The following DNAJC16 variants were observed in gnomAD, a reference collection of about 807,000 sequenced individuals.
The protein encoded by DNAJC16 is DnaJ heat shock protein family (Hsp40) member C16.
DNAJC16 carries 76 observed loss-of-function variants against 92.7 expected under a neutral mutation model. The observed-to-expected ratio is 0.82, with a 90% confidence interval of 0.68 to 0.99. DNAJC16 has a LOEUF of 0.99. DNAJC16 is among the 50% of genes least tolerant of loss of function. The pLI, the probability that DNAJC16 is intolerant of heterozygous loss-of-function variation, is 0.00. For synonymous variants in DNAJC16, 328 were observed against 358.7 expected (o/e 0.91, Z 0.97); for missense variants, 869 against 942.4 (o/e 0.92, Z 1.02).
chr1:15,530,745 T>A (rs1382483361), intron 2 of DNAJC16, among the ~76,000 whole-genome samples: 2 of 152,216 alleles, frequency 1.3e-5, no homozygotes, highest in Non-Finnish European at 2.9e-5. Context: ...TGGAATGCAG[T>A]GGCACAATCT....
chr1:15,553,087 A>G (rs1638486414), intron 7 of DNAJC16, among the ~76,000 whole-genome samples: 1 of 150,290 alleles, frequency 6.7e-6, no homozygotes, highest in African/African-American at 2.5e-5. Context: ...TAAGTCTTTT[A>G]CCCATTTTTT....
intron 14 of DNAJC16, 54 bp downstream of exon 14, chr1:15,567,323 G>A: frequency 1.3e-6 from 2 of 1,545,514 alleles, no homozygotes; most frequent in Non-Finnish European, 1.8e-6. Context: ...AGAGAGGCAG[G>A]CACACTGAAA....
At chr1:15,543,662 G>C (rs1710987889) in intron 4 of DNAJC16, among the ~76,000 whole-genome samples, 1 of 152,178 alleles carries the variant, frequency 6.6e-6, no homozygotes, top group South Asian at 2.1e-4. Flanking sequence ...GAAATAGGGG[G>C]AGAGCATTTA....
chr1:15,550,335 C>T (rs1226765838), intron 7 of DNAJC16, among the ~76,000 whole-genome samples: 1 of 152,154 alleles, frequency 6.6e-6, no homozygotes, highest in Non-Finnish European at 1.5e-5. Flanking sequence ...AATACATTTA[C>T]AAAATTATTG....
chr1:15,547,576 G>C (rs1006653021), intron 6 of DNAJC16, among the ~76,000 whole-genome samples: 3 of 151,678 alleles, frequency 2.0e-5, no homozygotes, highest in Non-Finnish European at 2.9e-5. Flanking sequence ...CAGAGTAGCT[G>C]GGACTGCAGG....
At chr1:15,563,517 G>A (rs1041995598) in intron 9 of DNAJC16, among the ~76,000 whole-genome samples, 17 of 139,634 alleles carry the variant, frequency 1.2e-4, no homozygotes, top group African/African-American at 4.6e-4. Context: ...AGACAAGGGC[G>A]AAACTCTGTC....
chr1:15,549,356 T>G (rs6672246), intron 7 of DNAJC16, among the ~76,000 whole-genome samples: 1,749 of 152,280 alleles, frequency 0.011, 41 homozygotes, highest in African/African-American at 0.039. Context: ...GAAACTGGTG[T>G]ATCATCAGTA....
At chr1:15,540,066 C>T (rs1175729272) in intron 4 of DNAJC16, among the ~76,000 whole-genome samples, 2 of 152,118 alleles carry the variant, frequency 1.3e-5, no homozygotes, top group Non-Finnish European at 2.9e-5. Flanking sequence ...TGGCTCATGC[C>T]TGTAATCCCA....
At chr1:15,561,514 G>A (rs543141859) in intron 8 of DNAJC16, among the ~76,000 whole-genome samples, 5 of 151,372 alleles carry the variant, frequency 3.3e-5, no homozygotes, top group East Asian at 3.9e-4. Flanking sequence ...GTGAAAACCC[G>A]TCTCTACTAA....
chr1:15,558,064 T>A (rs1208129090), intron 7 of DNAJC16, among the ~76,000 whole-genome samples: 2 of 151,750 alleles, frequency 1.3e-5, no homozygotes, highest in African/African-American at 4.8e-5. Flanking sequence ...AGAGACAGGG[T>A]TTCACTATGT....
At chr1:15,554,113 G>C (rs1390202580) in intron 7 of DNAJC16, among the ~76,000 whole-genome samples, 1 of 152,040 alleles carries the variant, frequency 6.6e-6, no homozygotes, top group Admixed American at 6.6e-5. Flanking sequence ...TGAGGCAGGA[G>C]AATTGCTTCA....
At chr1:15,549,223 A>G (rs1250427882) in intron 7 of DNAJC16, among the ~76,000 whole-genome samples, 1 of 152,230 alleles carries the variant, frequency 6.6e-6, no homozygotes, top group African/African-American at 2.4e-5. Context: ...GTTTAGAAAG[A>G]TAAGAACTTT....
At chr1:15,537,047 C>T (rs1324289733) in intron 4 of DNAJC16, among the ~76,000 whole-genome samples, 3 of 152,134 alleles carry the variant, frequency 2.0e-5, no homozygotes, top group African/African-American at 7.2e-5. Flanking sequence ...GACAGGGTTT[C>T]ACCACGTTGG....
At chr1:15,529,600 C>T (rs965474354) in intron 2 of DNAJC16, among the ~76,000 whole-genome samples, 8 of 151,998 alleles carry the variant, frequency 5.3e-5, no homozygotes, top group African/African-American at 1.5e-4. Context: ...GCTACCCTTC[C>T]CATGATACAT....
intron 9 of DNAJC16, 44 bp from the exon 10 acceptor site, chr1:15,563,885 A>G (rs1271510782): frequency 5.2e-6 from 8 of 1,537,638 alleles, no homozygotes; most frequent in South Asian, 1.2e-5. Flanking sequence ...TAACTTAACC[A>G]TGCTTTTGAA....
chr1:15,527,244 C>T (rs1425076148), intron 1 of DNAJC16, among the ~76,000 whole-genome samples: 1 of 152,140 alleles, frequency 6.6e-6, no homozygotes, highest in Non-Finnish European at 1.5e-5. Flanking sequence ...TGGCAGCCTA[C>T]CTGTTGGGCA....
rs1638948486 is a variant in DNAJC16, at chr1:15,571,589, C to G, written c.*3412C>G. 6.6e-6 allele frequency: 1 copy of G among 152,548 alleles called. No homozygotes were observed. The highest frequency in any genetic ancestry group is 2.4e-5 in the African/African-American group (1 of 41,406). The allele number at this position is 152,548 out of a possible 1,614,324, so 9.4% of individuals were successfully genotyped here. ...TTTTGATACTCTTAGGAACAAATAA[C>G]TTATTTGGCAAATTGTTTCTTTTTT... On this transcript the variant is annotated 3_prime_UTR_variant, in exon 15 of 15. Transcript: ENST00000375847.
At chr1:15,536,072 C>CTTTT (rs758451008) in intron 3 of DNAJC16, among the ~76,000 whole-genome samples, 14 of 84,572 alleles carry the variant, frequency 1.7e-4, no homozygotes, top group East Asian at 2.7e-4. Flanking sequence ...CTTTTCTTTT[C>CTTTT]TTTTTTTTTT....
At chr1:15,547,894 TC>T (rs1246983475) in intron 6 of DNAJC16, among the ~76,000 whole-genome samples, 1 of 151,832 alleles carries the variant, frequency 6.6e-6, no homozygotes, top group Non-Finnish European at 1.5e-5. Context: ...CTACCTACAC[TC>T]CCCACTACCT....
Sources: gnomAD v4.1 joint callset for allele counts (sites outside exome capture counted in the v4.1 genomes callset) on GRCh38, gnomAD v4.1.1 for gene constraint, MANE v1.5 for transcripts, NCBI Gene and HGNC (gene_info 2026-07-23, HGNC 2026-07-21) for gene names.